Variants in UCHL3 observed in about 807,000 individuals in gnomAD.
UCHL3 encodes the protein ubiquitin carboxyl-terminal hydrolase isozyme L3.
In UCHL3, 22 loss-of-function variants were observed where a neutral mutation model predicts 35.8. That is an observed-to-expected ratio of 0.61 (90% CI 0.44 to 0.88). The LOEUF is 0.88. UCHL3 is among the 40% of genes least tolerant of loss of function. The probability of loss-of-function intolerance (pLI) is 0.00; values close to 1 mark genes in which losing one functional copy is unlikely to be tolerated. For synonymous variants in UCHL3, 90 were observed against 92.8 expected, an observed-to-expected ratio of 0.97 and a Z score of 0.17; for missense variants, 229 against 276.9, an observed-to-expected ratio of 0.83 and a Z score of 1.23.
At chr13:75,592,435 T>TATATATAC (rs1566227969) in intron 6 of UCHL3, among the ~76,000 whole-genome samples, 1 of 98,760 alleles carries the variant, frequency 1.0e-5, no homozygotes, top group Non-Finnish European at 2.1e-5. Flanking sequence ...TATATATATA[T>TATATATAC]ATATATATAT....
intron 6 of UCHL3, among the ~76,000 whole-genome samples, chr13:75,579,081 A>G (rs1383780239): frequency 6.6e-6 from 1 of 152,158 alleles, no homozygotes; most frequent in Non-Finnish European, 1.5e-5. Context: ...AACAGAAATC[A>G]TTCCAATAAG....
chr13:75,600,265 AAGATCAAGCTC>A (rs1366739606), intron 7 of UCHL3, among the ~76,000 whole-genome samples: 1 of 152,256 alleles, frequency 6.6e-6, no homozygotes, highest in Non-Finnish European at 1.5e-5. Context: ...AGTTATCCAG[AAGATCAAGCTC>A]AGATCTTCCG....
At chr13:75,588,516 C>T (rs1317754485) in intron 6 of UCHL3, among the ~76,000 whole-genome samples, 2 of 152,078 alleles carry the variant, frequency 1.3e-5, no homozygotes, top group African/African-American at 2.4e-5. Flanking sequence ...CATATAGAAT[C>T]AAGTATAGGA....
intron 6 of UCHL3, among the ~76,000 whole-genome samples, chr13:75,592,458 A>G (rs1328515319): frequency 4.3e-5 from 5 of 117,620 alleles, no homozygotes; most frequent in Admixed American, 9.1e-5. Context: ...ATATATATAT[A>G]TATATATATG....
chr13:75,551,661 AATCAATGTAATTAACCAT>A (rs2031114080), intron 2 of UCHL3, among the ~76,000 whole-genome samples: 1 of 152,202 alleles, frequency 6.6e-6, no homozygotes, highest in South Asian at 2.1e-4. Context: ...ACCATTCAAA[AATCAATGTAATTAACCAT>A]ATCAATAGAC....
chr13:75,592,429 T>TATTTATGTATATACATATATAC (rs1555276718), intron 6 of UCHL3, among the ~76,000 whole-genome samples: 1 of 85,572 alleles, frequency 1.2e-5, no homozygotes, highest in African/African-American at 4.7e-5. Context: ...TATATATATA[T>TATTTATGTATATACATATATAC]ATATATATAT....
chr13:75,578,908 A>G (rs1307213816), intron 6 of UCHL3, among the ~76,000 whole-genome samples: 2 of 152,082 alleles, frequency 1.3e-5, no homozygotes, highest in Non-Finnish European at 2.9e-5. Context: ...TCCTCTGTTT[A>G]GAATCTACTG....
intron 7 of UCHL3, among the ~76,000 whole-genome samples, chr13:75,596,575 C>T (rs2032651707): frequency 6.6e-6 from 1 of 152,114 alleles, no homozygotes; most frequent in African/African-American, 2.4e-5. Context: ...CCAGAGCAAA[C>T]ATATGTAGGA....
At chr13:75,595,519 C>T (rs891269361) in intron 7 of UCHL3, among the ~76,000 whole-genome samples, 6 of 131,864 alleles carry the variant, frequency 4.6e-5, no homozygotes, top group Non-Finnish European at 9.2e-5. Context: ...ATCGCTTGAA[C>T]ACAGGAGGTG....
At chr13:75,570,823 G>A (rs183589267) in intron 6 of UCHL3, among the ~76,000 whole-genome samples, 3 of 152,184 alleles carry the variant, frequency 2.0e-5, no homozygotes, top group African/African-American at 7.2e-5. Flanking sequence ...GAGGTGGGAG[G>A]ATTACTTGAG....
intron 6 of UCHL3, among the ~76,000 whole-genome samples, chr13:75,585,483 A>C (rs1040916450): frequency 1.3e-5 from 2 of 152,178 alleles, no homozygotes; most frequent in African/African-American, 4.8e-5. Context: ...GAGAGAGCTC[A>C]TACCAGCTTA....
At chr13:75,560,208 T>C (rs2031446603) in intron 2 of UCHL3, among the ~76,000 whole-genome samples, 1 of 152,208 alleles carries the variant, frequency 6.6e-6, no homozygotes, top group African/African-American at 2.4e-5. Context: ...GACATCATTT[T>C]TGGTAAATAG....
intron 6 of UCHL3, among the ~76,000 whole-genome samples, chr13:75,575,881 A>G (rs2032004584): frequency 6.6e-6 from 1 of 152,010 alleles, no homozygotes; most frequent in African/African-American, 2.4e-5. Flanking sequence ...CCTCCCAAGT[A>G]GCTGGGACTA....
chr13:75,590,017 T>C (rs1425104939), intron 6 of UCHL3: 1 of 1,304,690 alleles, frequency 7.7e-7, no homozygotes, highest in African/African-American at 1.5e-5. Context: ...CATGCATCCC[T>C]GCCCTGGGTC....
chr13:75,549,910 A>T, intron 1 of UCHL3, 48 bp downstream of exon 1: 1 of 1,614,062 alleles, frequency 6.2e-7, no homozygotes, highest in Non-Finnish European at 8.5e-7. Context: ...GTGCAGAGGG[A>T]GCCGGCTTGC....
At chr13:75,592,448 A>ATATGTATATATG (rs1566228125) in intron 6 of UCHL3, among the ~76,000 whole-genome samples, 1 of 116,644 alleles carries the variant, frequency 8.6e-6, no homozygotes, top group Non-Finnish European at 1.8e-5. Flanking sequence ...ATATATATAT[A>ATATGTATATATG]TATATATATA....
At chr13:75,576,987 T>TG (rs1273527088) in intron 6 of UCHL3, among the ~76,000 whole-genome samples, 1 of 152,178 alleles carries the variant, frequency 6.6e-6, no homozygotes, top group Non-Finnish European at 1.5e-5. Context: ...TGGTAGCTCA[T>TG]GCCAGTAATG....
intron 2 of UCHL3, among the ~76,000 whole-genome samples, chr13:75,552,874 A>G (rs566791062): frequency 1.4e-4 from 21 of 152,266 alleles, no homozygotes; most frequent in African/African-American, 2.6e-4. Flanking sequence ...CAGTACAACC[A>G]CATTATGTAT....
chr13:75,556,079 A>G (rs1262065270), intron 2 of UCHL3, among the ~76,000 whole-genome samples: 1 of 152,190 alleles, frequency 6.6e-6, no homozygotes, highest in Non-Finnish European at 1.5e-5. Flanking sequence ...TCCTATAGGC[A>G]TATTTTCTGC....
Sources: gnomAD v4.1 joint callset for allele counts (sites outside exome capture counted in the v4.1 genomes callset) on GRCh38, gnomAD v4.1.1 for gene constraint, MANE v1.5 for transcripts, NCBI Gene and HGNC (gene_info 2026-07-23, HGNC 2026-07-21) for gene names.